The following A2ML1 variants were observed in gnomAD, a reference collection of about 807,000 sequenced individuals.
A2ML1 encodes alpha-2-macroglobulin-like protein 1.
In A2ML1, 161 loss-of-function variants were observed where a neutral mutation model predicts 181.9. The ratio of observed to expected loss-of-function variants is 0.89; its 90% confidence interval spans 0.78 to 1.01. The LOEUF (loss-of-function observed/expected upper bound fraction) is 1.01, where lower values mean the gene tolerates loss of function less well. A2ML1 is among the 50% of genes least tolerant of loss of function. A2ML1 has a pLI of 0.00. For missense variants in A2ML1, 1,670 were observed against 1,768.1 expected (o/e 0.94, Z 1.00); for synonymous variants, 663 against 666.8 (o/e 0.99, Z 0.09).
intron 34 of A2ML1, 37 bp downstream of exon 34, chr12:8,874,564 A>G (rs769475267): frequency 2.7e-6 from 4 of 1,500,552 alleles, no homozygotes. Flanking sequence ...CTGAGATCTT[A>G]CCTGCATCTC....
intron 3 of A2ML1, among the ~76,000 whole-genome samples, chr12:8,828,931 T>C (rs2377597): frequency 0.84 from 127,731 of 151,722 alleles, 53,899 homozygotes; most frequent in East Asian, 0.99. Flanking sequence ...TTGGGCAGCA[T>C]TGCATTCTAA....
Position 8,875,024 on chromosome 12 carries a change from G to C in A2ML1, c.*1+12G>C, listed in dbSNP as rs115808815. On this transcript the variant is annotated intron_variant, in intron 35 of 35. Transcript: ENST00000299698. ...TCCCTGTGAATGAGGTAAGTCCAGC[G>C]GAGAAATGGGTGGAGTTATGGGTTA... 6.2e-7 allele frequency: 1 copy of C among 1,613,748 alleles called. No homozygotes were observed.
At chr12:8,824,338 T>A (rs757802115) in intron 3 of A2ML1, among the ~76,000 whole-genome samples, 22 of 151,676 alleles carry the variant, frequency 1.5e-4, no homozygotes, top group African/African-American at 4.8e-4. Context: ...GGGTTTTTTT[T>A]ATTTTTTTAT....
chr12:8,854,281 C>A, intron 21 of A2ML1, 32 bp downstream of exon 21: 1 of 1,566,586 alleles, frequency 6.4e-7, no homozygotes, highest in Non-Finnish European at 8.7e-7. Context: ...AGACAGCAAC[C>A]AACCGAGGGA....
chr12:8,879,406 G>C (rs528154106), downstream of A2ML1, among the ~76,000 whole-genome samples: 50 of 152,034 alleles, frequency 3.3e-4, 2 homozygotes, highest in African/African-American at 1.2e-3. Flanking sequence ...CAGGAGAATT[G>C]CTTGAACCCG....
At chr12:8,870,566 C>T (rs1944588539) in intron 33 of A2ML1, among the ~76,000 whole-genome samples, 3 of 152,318 alleles carry the variant, frequency 2.0e-5, no homozygotes, top group Admixed American at 6.5e-5. Flanking sequence ...CGCACCCAGC[C>T]GAGTTGTGTA....
At chr12:8,838,265 A>G (rs1334447142) in intron 8 of A2ML1, 71 bp from the exon 9 acceptor site, 2 of 1,074,768 alleles carry the variant, frequency 1.9e-6, no homozygotes, top group Non-Finnish European at 2.8e-6. Context: ...CTTCTACAGA[A>G]CATTATAAAA....
intron 15 of A2ML1, 120 bp from the exon 16 acceptor site, chr12:8,848,600 T>G: frequency 1.3e-6 from 1 of 748,100 alleles, no homozygotes; most frequent in Non-Finnish European, 2.1e-6. Context: ...ATAAAAATAA[T>G]TCTGAAGTAA....
chr12:8,877,472 A>G (rs183730039), downstream of A2ML1, among the ~76,000 whole-genome samples: 176 of 152,348 alleles, frequency 1.2e-3, 1 homozygote, highest in African/African-American at 3.9e-3. Context: ...TCTATAAGGA[A>G]CTTAAACAAA....
chr12:8,822,771 C>A, intron 1 of A2ML1, 58 bp downstream of exon 1: 4 of 1,529,896 alleles, frequency 2.6e-6, no homozygotes, highest in Non-Finnish European at 3.6e-6. Context: ...GCCTAACTTT[C>A]TCAAACATTT....
intron 21 of A2ML1, among the ~76,000 whole-genome samples, 162 bp downstream of exon 21, chr12:8,854,411 C>T (rs193078900): frequency 3.0e-4 from 45 of 152,312 alleles, no homozygotes; most frequent in African/African-American, 1.0e-3. Context: ...TCCACACCCA[C>T]GGCCTATGAA....
At chr12:8,874,333 C>A in intron 33 of A2ML1, 92 bp from the exon 34 acceptor site, 3 of 1,044,668 alleles carry the variant, frequency 2.9e-6, no homozygotes, top group Non-Finnish European at 2.9e-6. Flanking sequence ...AGAAAATCTA[C>A]ATGAAGACAG....
At position 8,846,110 on chromosome 12, in the gene A2ML1, T is replaced by A. The variant is rs746188300; in HGVS notation, c.1571T>A (p.Phe524Tyr). 1.2e-6 allele frequency: 2 copies of A among 1,614,182 alleles called. No individual in the cohort carries two copies. The highest frequency in any genetic ancestry group is 1.7e-6 in the Non-Finnish European group (2 of 1,180,036). Residue 524 changes from phenylalanine (F) to tyrosine (Y), a missense_variant, in exon 14 of 36, where the codon TTC (phenylalanine) becomes TAC (tyrosine). Coordinates refer to ENST00000299698, the MANE Select transcript of A2ML1 (RefSeq NM_144670.6). Reference protein sequence around the residue: ...LKASFSLSLTFTSRLAPDPSL... With the variant: ...LKASFSLSLTYTSRLAPDPSL... The stretch of plus-strand genomic sequence containing the variant: ...GCCTCCTTCTCTCTCTCACTGACCT[T>A]CACTTCGAGACTGGCCCCTGATCCT...
intron 26 of A2ML1, among the ~76,000 whole-genome samples, chr12:8,860,524 T>G (rs892237635): frequency 1.3e-5 from 2 of 152,200 alleles, no homozygotes; most frequent in African/African-American, 4.8e-5. Context: ...GAGCTGCATG[T>G]GAGGAGGCTC....
At position 8,839,198 on chromosome 12, in the gene A2ML1, T is replaced by C. The variant is rs1943386265; in HGVS notation, c.1056T>C (p.His352=). 6.2e-7 allele frequency: 1 copy of C among 1,613,388 alleles called. No homozygotes were observed. The highest frequency in any genetic ancestry group is 8.5e-7 in the Non-Finnish European group (1 of 1,179,526). The change falls in exon 10 of 36, where the codon CAT becomes CAC. Residue 352 remains histidine (H), a synonymous_variant. Transcript: ENST00000299698. ...TTGAAGACACCAGCAATTTTTACCA[T>C]CCAAATTTCCCCTTCAGTGGGAAGG... is the stretch of plus-strand genomic sequence containing the variant. ...MTFEDTSNFY[H]PNFPFSGKIR... is the part of the protein sequence containing the mutation.
chr12:8,855,662 C>A, intron 23 of A2ML1, 70 bp downstream of exon 23: 1 of 1,432,058 alleles, frequency 7.0e-7, no homozygotes, highest in Non-Finnish European at 9.8e-7. Context: ...TGGAGTGGGG[C>A]GGGACATACG....
chr12:8,881,676 C>G (rs9669132), downstream of A2ML1, among the ~76,000 whole-genome samples: 9,339 of 152,180 alleles, frequency 0.061, 364 homozygotes, highest in African/African-American at 0.12. Flanking sequence ...CATGCAGGTA[C>G]AGATATAGAA....
At chr12:8,863,234 G>A (rs939464236) in intron 28 of A2ML1, among the ~76,000 whole-genome samples, 10 of 151,928 alleles carry the variant, frequency 6.6e-5, no homozygotes, top group African/African-American at 2.2e-4. Context: ...AGCCTCCCAA[G>A]TAGCTGGGAT....
Position 8,845,873 on chromosome 12 carries a change from ATAAAATAAAATAAAAT to A in A2ML1, c.1538-203_1538-188del, listed in dbSNP as rs1565475791. 6.6e-4 allele frequency among the ~76,000 whole-genome samples: 69 copies of A among 105,184 alleles called. 1 individual carries two copies. Among genetic ancestry groups the A allele is most frequent in the Non-Finnish European group, 8.1e-4 (39 of 47,954 alleles). The allele number at this position is 105,184 out of a possible 152,430, so 69.0% of individuals were successfully genotyped here. A position where few individuals can be genotyped will look rare whatever the true frequency, so the allele number is the denominator to read the frequency against. On this transcript the variant is annotated intron_variant, in intron 13 of 35. Coordinates refer to ENST00000299698, the MANE Select transcript of A2ML1 (RefSeq NM_144670.6). The stretch of plus-strand genomic sequence containing the variant: ...TCAAAAAAAAAAAAAAATAAATAAA[ATAAAATAAAATAAAAT>A]AAAAAAATTCTTATCCACAGAAGTA...
Sources: gnomAD v4.1 joint callset for allele counts (sites outside exome capture counted in the v4.1 genomes callset) on GRCh38, gnomAD v4.1.1 for gene constraint, MANE v1.5 for transcripts, NCBI Gene and HGNC (gene_info 2026-07-23, HGNC 2026-07-21) for gene names.